SORCS3: variants seen among roughly 807,000 people sequenced by gnomAD.
The protein encoded by SORCS3 is VPS10 domain-containing receptor SorCS3.
A neutral mutation model predicts 146.3 loss-of-function variants in SORCS3; 57 were observed. The ratio of observed to expected loss-of-function variants is 0.39; its 90% CI spans 0.31 to 0.49. The LOEUF (loss-of-function observed/expected upper bound fraction) is 0.49. SORCS3 is among the 20% of genes least tolerant of loss of function. SORCS3 has a pLI of 0.92. For synonymous variants in SORCS3, 653 were observed against 618.5 expected (o/e 1.06, Z -0.83); for missense variants, 1,341 against 1,575.5 (o/e 0.85, Z 2.52).
intron 11 of SORCS3, among the ~76,000 whole-genome samples, chr10:105,163,385 T>G (rs549413183): frequency 2.6e-5 from 4 of 152,190 alleles, no homozygotes; most frequent in Non-Finnish European, 1.5e-5. Context: ...CTCTTACATG[T>G]TTAGGGTTCC....
At chr10:104,754,162 G>T (rs933689809) in intron 1 of SORCS3, among the ~76,000 whole-genome samples, 5 of 152,316 alleles carry the variant, frequency 3.3e-5, no homozygotes, top group African/African-American at 1.2e-4. Flanking sequence ...TTACCCGTTT[G>T]TGATAAGTGA....
At chr10:104,859,535 A>C (rs1387775040) in intron 2 of SORCS3, among the ~76,000 whole-genome samples, 1 of 152,198 alleles carries the variant, frequency 6.6e-6, no homozygotes, top group Non-Finnish European at 1.5e-5. Context: ...AAAACACCAA[A>C]AGCAATGTCA....
At chr10:104,989,130 GTATAA>G (rs982974419) in intron 4 of SORCS3, among the ~76,000 whole-genome samples, 1 of 152,176 alleles carries the variant, frequency 6.6e-6, no homozygotes, top group African/African-American at 2.4e-5. Context: ...TTTCATTGCC[GTATAA>G]TATATCATTC....
chr10:105,107,345 G>C (rs139392894), intron 7 of SORCS3, among the ~76,000 whole-genome samples: 1 of 149,110 alleles, frequency 6.7e-6, no homozygotes, highest in Admixed American at 6.7e-5. Flanking sequence ...TGGAAGCACA[G>C]GAGTGAGTTA....
chr10:105,247,217 A>G lies in SORCS3; in HGVS notation c.2993-2A>G. The G allele has an allele frequency of 6.4e-7, 1 of 1,558,378 alleles. No homozygotes were observed. The highest frequency in any genetic ancestry group is 8.8e-7 in the Non-Finnish European group (1 of 1,131,892). On this transcript the variant is annotated splice_acceptor_variant, in intron 21 of 26. Transcript: ENST00000369701. LOFTEE classifies it high-confidence loss of function. ...TCACTTAAACATTCTCTCTCCCTGCAGAATATTTCCAGTCCCAGCTTTTAT... is the reference window on the plus strand; with the variant it reads ...TCACTTAAACATTCTCTCTCCCTGCGGAATATTTCCAGTCCCAGCTTTTAT...
intron 6 of SORCS3, among the ~76,000 whole-genome samples, chr10:105,098,703 A>G (rs934605559): frequency 2.0e-5 from 3 of 152,350 alleles, no homozygotes; most frequent in African/African-American, 2.4e-5. Context: ...GTTAATGCAT[A>G]TAGTTCCTAG....
intron 1 of SORCS3, among the ~76,000 whole-genome samples, chr10:104,775,168 T>G (rs561982217): frequency 6.6e-6 from 1 of 152,202 alleles, no homozygotes; most frequent in Non-Finnish European, 1.5e-5. Flanking sequence ...TGAGTTTCAG[T>G]CTGAGATTTG....
chr10:104,994,955 G>A (rs1040212688), intron 4 of SORCS3, among the ~76,000 whole-genome samples: 1 of 152,066 alleles, frequency 6.6e-6, no homozygotes, highest in South Asian at 2.1e-4. Flanking sequence ...AAATAGTAGT[G>A]GAATGGCTGG....
intron 2 of SORCS3, among the ~76,000 whole-genome samples, chr10:104,861,253 A>G (rs963507138): frequency 3.9e-5 from 6 of 152,142 alleles, no homozygotes; most frequent in African/African-American, 1.4e-4. Context: ...CTCTGTACAG[A>G]GAAGTGAAAA....
intron 7 of SORCS3, among the ~76,000 whole-genome samples, chr10:105,116,536 A>G (rs2055894704): frequency 6.6e-6 from 1 of 152,216 alleles, no homozygotes; most frequent in Non-Finnish European, 1.5e-5. Flanking sequence ...ATTATTGGGT[A>G]TATGCCCAAA....
chr10:104,892,826 G>A (rs1315489140), intron 2 of SORCS3, among the ~76,000 whole-genome samples: 1 of 152,140 alleles, frequency 6.6e-6, no homozygotes, highest in Non-Finnish European at 1.5e-5. Context: ...AAACTAGGAG[G>A]CTGTAACACA....
intron 2 of SORCS3, among the ~76,000 whole-genome samples, chr10:104,849,257 C>G (rs1426865356): frequency 6.6e-6 from 1 of 151,576 alleles, no homozygotes; most frequent in African/African-American, 2.4e-5. Context: ...CTAAAAAATA[C>G]AAAAATTAGC....
intron 7 of SORCS3, among the ~76,000 whole-genome samples, chr10:105,116,212 T>G (rs2055892497): frequency 6.6e-6 from 1 of 152,190 alleles, no homozygotes; most frequent in Non-Finnish European, 1.5e-5. Context: ...CTCACATCCT[T>G]CCAGCTATGT....
chr10:104,641,718 A>C lies in SORCS3; in HGVS notation c.391A>C (p.Ser131Arg), dbSNP rs776587267. 1.1e-4 allele frequency: 170 copies of C among 1,541,772 alleles called. No homozygotes were observed. Among genetic ancestry groups the C allele is most frequent in the Non-Finnish European group, 1.4e-4 (159 of 1,145,026 alleles). The change falls in exon 1 of 27, where the codon AGT becomes CGT. Residue 131 changes from serine to arginine, a missense_variant. Ser to Arg is a moderately radical substitution (Grantham distance 110). Coordinates refer to ENST00000369701, the MANE Select transcript of SORCS3 (RefSeq NM_014978.3). This position sits in a 1 kb window ranked among gnomAD's most constrained non-coding sequence, Gnocchi z 6.4. ...TGCCAAGCTTGGCGGCGCGAGGAGG[A>C]GTCGCCGGGCGCAGCCCCCAATCAC... is the stretch of plus-strand genomic sequence containing the variant. ...APAKLGGARR[S>R]RRAQPPITQE... is the part of the protein sequence containing the mutation.
In SORCS3 at chr10:105,149,166, A is replaced by C. The variant is rs115766358; in HGVS notation, c.1482+1370A>C. 4.8e-3 allele frequency among the ~76,000 whole-genome samples: 731 copies of C among 152,284 alleles called. 6 individuals carry two copies. Among genetic ancestry groups the C allele is most frequent in the African/African-American group, 0.017 (706 of 41,560 alleles). On this transcript the variant is annotated intron_variant, in intron 9 of 26. Transcript: ENST00000369701. ...TTTTCTTCATGAATCACCCAGTCTCATAGTATCTTTGTAGCAGTGTGAGAA... is the reference window on the plus strand; with the variant it reads ...TTTTCTTCATGAATCACCCAGTCTCCTAGTATCTTTGTAGCAGTGTGAGAA...
chr10:104,919,184 CA>C (rs2019061452), intron 3 of SORCS3, among the ~76,000 whole-genome samples: 1 of 152,116 alleles, frequency 6.6e-6, no homozygotes, highest in African/African-American at 2.4e-5. Flanking sequence ...TCTCAGGAGC[CA>C]TTTCTCACAG....
intron 1 of SORCS3, among the ~76,000 whole-genome samples, chr10:104,786,880 A>T (rs1004602755): frequency 1.3e-5 from 2 of 152,170 alleles, no homozygotes; most frequent in Non-Finnish European, 2.9e-5. Flanking sequence ...AACCATTCAG[A>T]ACCTTCCACC....
intron 14 of SORCS3, among the ~76,000 whole-genome samples, chr10:105,198,457 C>A (rs1301281697): frequency 1.3e-5 from 2 of 152,120 alleles, no homozygotes; most frequent in East Asian, 3.9e-4. Flanking sequence ...TCTCTTCAAA[C>A]AAGCAAAAAT....
chr10:104,960,660 C>A (rs1254424594), intron 3 of SORCS3, among the ~76,000 whole-genome samples: 5 of 152,106 alleles, frequency 3.3e-5, no homozygotes, highest in Non-Finnish European at 7.4e-5. Flanking sequence ...CCTTTATGAT[C>A]CAATCACCTC....
Sources: gnomAD v4.1 joint callset for allele counts (sites outside exome capture counted in the v4.1 genomes callset) on GRCh38, gnomAD v4.1.1 for gene constraint, Gnocchi (gnomAD v3.1) non-coding constraint, MANE v1.5 for transcripts, NCBI Gene and HGNC (gene_info 2026-07-23, HGNC 2026-07-21) for gene names.